SLC12A6: variants seen among roughly 807,000 people sequenced by gnomAD.
The protein encoded by SLC12A6 is solute carrier family 12 member 6.
SLC12A6 carries 66 observed loss-of-function variants against 135.3 expected under a neutral mutation model. The ratio of observed to expected loss-of-function variants is 0.49; its 90% CI spans 0.40 to 0.60. The LOEUF (loss-of-function observed/expected upper bound fraction) is 0.60, where lower values mean the gene tolerates loss of function less well. SLC12A6 is among the 20% of genes least tolerant of loss of function. The pLI is 0.00. For synonymous variants in SLC12A6, 513 were observed against 508.8 expected (o/e 1.01, Z -0.11); for missense variants, 1,058 against 1,452.3 (o/e 0.73, Z 4.41).
Position 34,337,395 on chromosome 15 carries a change from G to C in SLC12A6, c.-136C>G, listed in dbSNP as rs1890269825. On this transcript the variant is annotated 5_prime_UTR_variant, in exon 1 of 26. Transcript: ENST00000354181. ...CAGAGCGGATTCCTGTCTCCGAGAG[G>C]TCGGTGGGGGTGGCGCGCCCGCTCT... The C allele has an allele frequency of 6.5e-6, 1 of 153,796 alleles. No homozygotes were observed. Among genetic ancestry groups the C allele is most frequent in the African/African-American group, 2.4e-5 (1 of 41,456 alleles). The allele number at this position is 153,796 out of a possible 1,614,324, so 9.5% of individuals were successfully genotyped here.
At chr15:34,276,711 G>A (rs1278113754) in intron 2 of SLC12A6, among the ~76,000 whole-genome samples, 1 of 152,160 alleles carries the variant, frequency 6.6e-6, no homozygotes, top group Non-Finnish European at 1.5e-5. Context: ...CAGCTATGAT[G>A]TATGCAACAG....
intron 20 of SLC12A6, 181 bp downstream of exon 20, chr15:34,238,784 A>C: frequency 1.4e-6 from 1 of 703,218 alleles, no homozygotes; most frequent in Non-Finnish European, 2.6e-6. Flanking sequence ...TCATGAACAT[A>C]ATGTGAAGCT....
At chr15:34,297,717 GAATA>G (rs1481586971) in intron 2 of SLC12A6, among the ~76,000 whole-genome samples, 1 of 152,164 alleles carries the variant, frequency 6.6e-6, no homozygotes, top group African/African-American at 2.4e-5. Flanking sequence ...CACAGAGGAG[GAATA>G]AATACAGCAC....
At chr15:34,285,503 T>C (rs770001961) in intron 2 of SLC12A6, among the ~76,000 whole-genome samples, 4 of 150,452 alleles carry the variant, frequency 2.7e-5, no homozygotes, top group Non-Finnish European at 4.4e-5. Context: ...ACAGTGCTTA[T>C]GATGGTTTTT....
At chr15:34,247,066 C>A (rs1200722017) in intron 13 of SLC12A6, among the ~76,000 whole-genome samples, 1 of 152,134 alleles carries the variant, frequency 6.6e-6, no homozygotes, top group Non-Finnish European at 1.5e-5. Context: ...TTTACTCCCA[C>A]TGGAAATATA....
intron 2 of SLC12A6, among the ~76,000 whole-genome samples, chr15:34,291,106 G>A (rs975760844): frequency 6.6e-6 from 1 of 152,218 alleles, no homozygotes; most frequent in Non-Finnish European, 1.5e-5. Flanking sequence ...GTATGTTGTT[G>A]CAGTGGCTGG....
rs1015604594 is a variant in SLC12A6 at position 34,256,341 on chromosome 15, ACTT to A, written c.691-61_691-59del. 1.2e-5 allele frequency: 14 copies of A among 1,181,922 alleles called. No individual in the cohort carries two copies. The African/African-American group carries it at 1.5e-4, about 13-fold the overall frequency. The allele number at this position is 1,181,922 out of a possible 1,614,324, so 73.2% of individuals were successfully genotyped here. On this transcript the variant is annotated intron_variant, in intron 6 of 25. Transcript: ENST00000354181. Reference sequence around the variant, plus strand: ...TGTGTAAAGATGACATTTCTATACTACTTCTCCATTTGTGTTCCAAGAGCACTT... The same window carrying A: ...TGTGTAAAGATGACATTTCTATACTACTCCATTTGTGTTCCAAGAGCACTT...
intron 2 of SLC12A6, among the ~76,000 whole-genome samples, chr15:34,290,872 T>C (rs1378270405): frequency 6.6e-6 from 1 of 152,228 alleles, no homozygotes; most frequent in Non-Finnish European, 1.5e-5. Flanking sequence ...AGCCTATGTG[T>C]GTCTTTGCAC....
rs190348318 is a variant in SLC12A6, at chr15:34,249,426, G to A, written c.1649+872C>T. Among the ~76,000 whole-genome samples the A allele has an allele frequency of 1.4e-4, 22 of 152,210 alleles. No individual in the cohort carries two copies. The East Asian group carries it at 2.5e-3, about 17-fold the overall frequency. ...AAAATTAAAAAAAACTACTAGCTGG[G>A]TGTGGTGGTATGCACCTGTGGTCCC... On this transcript the variant is annotated intron_variant, in intron 13 of 25. Transcript: ENST00000354181.
chr15:34,292,176 G>T (rs562333981), intron 2 of SLC12A6, among the ~76,000 whole-genome samples: 2 of 152,266 alleles, frequency 1.3e-5, no homozygotes, highest in African/African-American at 4.8e-5. Flanking sequence ...TTTTGGTGTG[G>T]ATGTCCTTTT....
intron 2 of SLC12A6, among the ~76,000 whole-genome samples, chr15:34,323,032 T>G (rs1325547901): frequency 6.9e-6 from 1 of 145,902 alleles, no homozygotes; most frequent in Non-Finnish European, 1.5e-5. Flanking sequence ...AAAAGAAAAT[T>G]TTCATAATAA....
intron 14 of SLC12A6, 46 bp from the exon 15 acceptor site, chr15:34,245,449 G>C: frequency 8.9e-7 from 1 of 1,127,066 alleles, no homozygotes; most frequent in Non-Finnish European, 1.4e-6. Context: ...CTGAGTCATT[G>C]CTCTCTGATT....
At chr15:34,300,788 C>T (rs1427221097) in intron 2 of SLC12A6, among the ~76,000 whole-genome samples, 1 of 105,202 alleles carries the variant, frequency 9.5e-6, no homozygotes, top group Non-Finnish European at 1.7e-5. Flanking sequence ...AGAGTGACTC[C>T]GTCTCAAAAA....
At chr15:34,245,445 C>G in intron 14 of SLC12A6, 42 bp from the exon 15 acceptor site, 3 of 1,149,388 alleles carry the variant, frequency 2.6e-6, no homozygotes, top group Non-Finnish European at 4.0e-6. Flanking sequence ...AGTACTGAGT[C>G]ATTGCTCTCT....
At chr15:34,253,954 C>T (rs138318478) in intron 9 of SLC12A6, among the ~76,000 whole-genome samples, 25 of 152,352 alleles carry the variant, frequency 1.6e-4, no homozygotes, top group South Asian at 4.1e-4. Context: ...CAGTGGCTCA[C>T]GCCTGTAATC....
At chr15:34,276,942 G>A (rs1004237110) in intron 2 of SLC12A6, among the ~76,000 whole-genome samples, 9 of 152,148 alleles carry the variant, frequency 5.9e-5, no homozygotes, top group African/African-American at 2.2e-4. Flanking sequence ...AAGGAAGTCA[G>A]GTAGAAATCT....
At chr15:34,276,920 T>C (rs1024233551) in intron 2 of SLC12A6, among the ~76,000 whole-genome samples, 1 of 152,216 alleles carries the variant, frequency 6.6e-6, no homozygotes, top group Admixed American at 6.5e-5. Flanking sequence ...GTATACACTA[T>C]ATATTTTAAT....
intron 2 of SLC12A6, among the ~76,000 whole-genome samples, chr15:34,284,294 T>TC (rs1894896578): frequency 6.9e-6 from 1 of 144,468 alleles, no homozygotes; most frequent in South Asian, 2.3e-4. Context: ...TTTTTTTTTT[T>TC]TTTTTTGAGA....
intron 21 of SLC12A6, 55 bp downstream of exon 21, chr15:34,238,177 T>C: frequency 8.0e-7 from 1 of 1,249,520 alleles, no homozygotes; most frequent in South Asian, 1.2e-5. Flanking sequence ...GTCTGTCCTG[T>C]GAACCAGGAC....
Sources: gnomAD v4.1 joint callset for allele counts (sites outside exome capture counted in the v4.1 genomes callset) on GRCh38, gnomAD v4.1.1 for gene constraint, MANE v1.5 for transcripts, NCBI Gene and HGNC (gene_info 2026-07-23, HGNC 2026-07-21) for gene names.